TG: variants seen among roughly 807,000 people sequenced by gnomAD.
The protein encoded by TG is thyroid hormones.
TG carries 270 observed loss-of-function variants against 324.7 expected under a neutral mutation model. The observed-to-expected ratio is 0.83, with a 90% CI of 0.75 to 0.92. The LOEUF (loss-of-function observed/expected upper bound fraction) is 0.92. TG is among the 40% of genes least tolerant of loss of function. The probability of loss-of-function intolerance (pLI) is 0.00; values close to 1 mark genes in which losing one functional copy is unlikely to be tolerated. For missense variants in TG, 3,591 were observed against 3,456.4 expected (o/e 1.04, Z -0.98); for synonymous variants, 1,401 against 1,327.0 (o/e 1.06, Z -1.21).
In TG at chr8:133,125,646, G is replaced by A. The variant is rs568712072; in HGVS notation, c.7863-6166G>A. Among the ~76,000 whole-genome samples the A allele has an allele frequency of 4.1e-3, 627 of 152,334 alleles. 9 individuals carry two copies. Among genetic ancestry groups the A allele is most frequent in the African/African-American group, 0.014 (577 of 41,572 alleles). ...GAGCTGTAGCCACTTCAGAGAGGAC[G>A]TGGAAGCCTCTCATCTTAAGATGCC... On this transcript the variant is annotated intron_variant, in intron 45 of 47. Transcript: ENST00000220616.
At chr8:132,907,395 G>T (rs562393490) in intron 17 of TG, among the ~76,000 whole-genome samples, 3 of 152,318 alleles carry the variant, frequency 2.0e-5, no homozygotes, top group South Asian at 4.1e-4. Context: ...AGTCCTGATT[G>T]CTGGAACTTG....
chr8:132,919,189 G>T (rs533285663), intron 20 of TG, among the ~76,000 whole-genome samples, 187 bp from the exon 21 acceptor site: 6 of 152,084 alleles, frequency 3.9e-5, no homozygotes, highest in Non-Finnish European at 7.3e-5. Flanking sequence ...CAGGAAGCTC[G>T]CCTGACTTCT....
At chr8:132,960,334 A>G (rs768655475) in intron 27 of TG, among the ~76,000 whole-genome samples, 10 of 152,172 alleles carry the variant, frequency 6.6e-5, no homozygotes, top group Non-Finnish European at 1.0e-4. Flanking sequence ...ATTTGCCTCC[A>G]GACTCTGCTA....
rs73356619 is a variant in TG at position 133,119,654 on chromosome 8, A to C, written c.7862+2938A>C. Among the ~76,000 whole-genome samples the C allele has an allele frequency of 7.9e-3, 1,200 of 152,274 alleles. 23 individuals carry two copies. Among genetic ancestry groups the C allele is most frequent in the African/African-American group, 0.026 (1,100 of 41,568 alleles). ...TTACTCCCCAAAGGCCCTGTCTCTTAATACAAACACACTGGGGATTCCATT... is the reference window on the plus strand; with the variant it reads ...TTACTCCCCAAAGGCCCTGTCTCTTCATACAAACACACTGGGGATTCCATT... On this transcript the variant is annotated intron_variant, in intron 45 of 47. Transcript: ENST00000220616.
intron 45 of TG, among the ~76,000 whole-genome samples, chr8:133,130,695 C>G (rs774504084): frequency 6.6e-6 from 1 of 152,174 alleles, no homozygotes; most frequent in African/African-American, 2.4e-5. Context: ...GATTTCAGTC[C>G]ACTAAGATCG....
chr8:133,044,931 T>A, intron 41 of TG: 1 of 1,594,144 alleles, frequency 6.3e-7, no homozygotes, highest in Non-Finnish European at 8.6e-7. Flanking sequence ...CACAGAGCAA[T>A]TAGCTAAGAG....
chr8:133,007,970 A>G (rs1274100849), intron 35 of TG, among the ~76,000 whole-genome samples: 1 of 152,170 alleles, frequency 6.6e-6, no homozygotes, highest in Non-Finnish European at 1.5e-5. Flanking sequence ...AGTTTCATTG[A>G]TGGTGATTTT....
chr8:133,091,878 T>C (rs114351710), intron 41 of TG, among the ~76,000 whole-genome samples: 142 of 152,196 alleles, frequency 9.3e-4, no homozygotes, highest in African/African-American at 3.2e-3. Context: ...TATCTCTGTG[T>C]GAGTGTGTCT....
At chr8:132,900,422 C>A in intron 15 of TG, 83 bp downstream of exon 15, 1 of 1,248,144 alleles carries the variant, frequency 8.0e-7, no homozygotes, top group South Asian at 1.3e-5. Flanking sequence ...GGCTTCGTGT[C>A]CCAGCTCTAC....
chr8:132,925,512 A>AGTGTGTGTGTGTGTGTGT (rs1262863949), intron 22 of TG, among the ~76,000 whole-genome samples: 1 of 67,178 alleles, frequency 1.5e-5, no homozygotes, highest in African/African-American at 5.1e-5. Flanking sequence ...AGTCCTAAGG[A>AGTGTGTGTGTGTGTGTGT]GTGCGTGTGT....
chr8:133,046,993 T>C (rs1839542880), intron 41 of TG: 1 of 152,188 alleles, frequency 6.6e-6, no homozygotes, highest in South Asian at 2.1e-4. Context: ...AGATACCTTC[T>C]GAATTTTAAA....
intron 41 of TG, among the ~76,000 whole-genome samples, chr8:133,044,017 C>T (rs1838818397): frequency 6.6e-6 from 1 of 152,194 alleles, no homozygotes; most frequent in Non-Finnish European, 1.5e-5. Context: ...CATGAACTAA[C>T]TCTGTGGATC....
intron 35 of TG, chr8:133,002,705 G>T: frequency 4.2e-6 from 1 of 235,988 alleles, no homozygotes. Context: ...TGGCGCTTCA[G>T]TTGAGCCCAG....
At chr8:132,999,727 T>C (rs1336546977) in intron 35 of TG, among the ~76,000 whole-genome samples, 2 of 152,238 alleles carry the variant, frequency 1.3e-5, no homozygotes, top group Admixed American at 1.3e-4. Context: ...TGGTGAGGCC[T>C]ACAATATTTA....
chr8:132,950,140 A>T (rs769526330), intron 27 of TG, among the ~76,000 whole-genome samples: 3 of 152,232 alleles, frequency 2.0e-5, no homozygotes, highest in Non-Finnish European at 4.4e-5. Context: ...AGTCTGACTT[A>T]TGATGAAGAT....
In TG at chr8:133,116,632, T is replaced by C; in HGVS notation, c.7778T>C (p.Ile2593Thr). The change falls in exon 45 of 48, where the codon ATA becomes ACA. Residue 2593 changes from isoleucine (I) to threonine (T), a missense_variant. By Grantham distance (89) the Ile-to-Thr change is moderately conservative. Transcript: ENST00000220616. ...ATRDYFIICP[I>T]IDMASAWAKR... Reference sequence around the variant, plus strand: ...AGGGACTACTTTATCATCTGCCCTATAATCGACATGGCCAGTGCCTGGGCA... The same window carrying C: ...AGGGACTACTTTATCATCTGCCCTACAATCGACATGGCCAGTGCCTGGGCA... 6.2e-7 allele frequency: 1 copy of C among 1,614,232 alleles called. No homozygotes were observed. Among genetic ancestry groups the C allele is most frequent in the Non-Finnish European group, 8.5e-7 (1 of 1,180,032 alleles).
intron 5 of TG, among the ~76,000 whole-genome samples, chr8:132,874,576 G>GGGAGGAAATTCTCATGGGCTGTGCCA (rs2132070222): frequency 6.6e-6 from 1 of 152,342 alleles, no homozygotes; most frequent in African/African-American, 2.4e-5. Flanking sequence ...CCATGTGTGA[G>GGGAGGAAATTCTCATGGGCTGTGCCA]GGAGGAAATT....
chr8:133,118,402 G>A (rs1023425544), intron 45 of TG, among the ~76,000 whole-genome samples: 2 of 140,086 alleles, frequency 1.4e-5, no homozygotes, highest in African/African-American at 5.4e-5. Flanking sequence ...TCGGCTCACT[G>A]CAACCTCCAC....
At chr8:133,089,116 C>G (rs557245795) in intron 41 of TG, among the ~76,000 whole-genome samples, 1 of 152,288 alleles carries the variant, frequency 6.6e-6, no homozygotes, top group Non-Finnish European at 1.5e-5. Flanking sequence ...CTCTGGGTCA[C>G]ACACTACCCC....
Sources: gnomAD v4.1 joint callset for allele counts (sites outside exome capture counted in the v4.1 genomes callset) on GRCh38, gnomAD v4.1.1 for gene constraint, MANE v1.5 for transcripts, NCBI Gene and HGNC (gene_info 2026-07-23, HGNC 2026-07-21) for gene names.